The following MGAT1 variants were observed in gnomAD, a reference collection of about 807,000 sequenced individuals.
MGAT1 encodes the protein alpha-1,3-mannosyl-glycoprotein 2-beta-N-acetylglucosaminyltransferase, also known as N-glycosyl-oligosaccharide-glycoprotein N-acetylglucosaminyltransferase I.
A neutral mutation model predicts 31.7 loss-of-function variants in MGAT1; 14 were observed. That is an observed-to-expected ratio of 0.44 (90% CI 0.29 to 0.69). The LOEUF (loss-of-function observed/expected upper bound fraction) is 0.69. Among genes scored for constraint, MGAT1 ranks in the 30% least tolerant of loss-of-function variants. The pLI is 0.12. For synonymous variants in MGAT1, 338 were observed against 276.0 expected, an observed-to-expected ratio of 1.22 and a Z score of -2.23; for missense variants, 557 against 626.0, an observed-to-expected ratio of 0.89 and a Z score of 1.18.
chr5:180,810,605 CCT>C (rs1772472677), intron 1 of MGAT1: 1 of 152,336 alleles, frequency 6.6e-6, no homozygotes, highest in African/African-American at 2.4e-5. Context: ...GCAGCCCTGC[CCT>C]CTCCCTCCGC....
chr5:180,805,194 G>A (rs1439474523), upstream of MGAT1, among the ~76,000 whole-genome samples: 12 of 150,550 alleles, frequency 8.0e-5, no homozygotes, highest in Admixed American at 4.6e-4. Flanking sequence ...TGTGCAAAAG[G>A]AAAAAACAGG....
upstream of MGAT1, chr5:180,802,940 C>G (rs1455513307): frequency 6.0e-5 from 9 of 150,424 alleles, no homozygotes; most frequent in African/African-American, 1.9e-4. Context: ...GCCAGGCCCC[C>G]TCCTCCTGGC....
In MGAT1 at chr5:180,790,069, AG is replaced by A; in HGVS notation, c.*1564del. ...CACTGGGGTTGCGTTTGGGAGTCCA[AG>A]CGCCACTGTGAGGCCAACCCTGGTA... On this transcript the variant is annotated 3_prime_UTR_variant, in exon 2 of 2. Transcript: ENST00000307826. 6.6e-6 allele frequency: 1 copy of A among 152,344 alleles called. No individual in the cohort carries two copies. Among genetic ancestry groups the A allele is most frequent in the African/African-American group, 2.4e-5 (1 of 41,560 alleles). 9.4% of individuals were successfully genotyped at this position (152,344 alleles called of 1,614,324 possible). A position where few individuals can be genotyped will look rare whatever the true frequency, so the allele number is the denominator to read the frequency against.
chr5:180,794,400 A>C (rs929837312), intron 1 of MGAT1, among the ~76,000 whole-genome samples: 1 of 122,474 alleles, frequency 8.2e-6, no homozygotes, highest in South Asian at 2.8e-4. Context: ...TCTCAAAAAA[A>C]TTTTTTTTTA....
chr5:180,809,593 C>G (rs1340092789), intron 1 of MGAT1: 1 of 152,036 alleles, frequency 6.6e-6, no homozygotes, highest in East Asian at 1.9e-4. Context: ...ACTAAGCTCC[C>G]CCTCTGCTTG....
Position 180,792,435 on chromosome 5 carries a change from G to A in MGAT1, c.537C>T (p.Phe179=). 1 of 1,612,196 alleles carries A rather than the reference G, an allele frequency of 6.2e-7. No individual in the cohort carries two copies. The highest frequency in any genetic ancestry group is 8.5e-7 in the Non-Finnish European group (1 of 1,179,212). Residue 179 remains phenylalanine (F), a synonymous_variant, in exon 2 of 2, where the codon TTC becomes TTT. Transcript: ENST00000307826. ...SIAVPPDHRK[F]QGYYKIARHY... is the part of the protein sequence containing the mutation. ...GGCGCGCGATCTTGTAGTAGCCCTG[G>A]AACTTGCGGTGGTCCGGCGGCACCG...
intron 1 of MGAT1, among the ~76,000 whole-genome samples, chr5:180,796,469 T>A (rs1490023065): frequency 1.3e-5 from 2 of 152,218 alleles, no homozygotes; most frequent in African/African-American, 4.8e-5. Context: ...GCAAACGTCG[T>A]TTCAGTTGGC....
chr5:180,791,598 T>C lies in MGAT1; in HGVS notation c.*36A>G. On this transcript the variant is annotated 3_prime_UTR_variant, in exon 2 of 2. Coordinates refer to ENST00000307826, the MANE Select transcript of MGAT1 (RefSeq NM_002406.4). ...ACTGTGGTCCCACCTCAGCTCATGA[T>C]GTGGCAAGGAGGGGCCCAGGAAGGA... 1 of 1,599,926 alleles carries C rather than the reference T, an allele frequency of 6.3e-7. No individual in the cohort carries two copies. The highest frequency in any genetic ancestry group is 1.3e-5 in the African/African-American group (1 of 74,762).
In MGAT1 at chr5:180,786,153, G is replaced by GC. The variant is rs1421227239; in HGVS notation, c.*5480dup. On this transcript the variant is annotated 3_prime_UTR_variant, in exon 2 of 2. Coordinates refer to ENST00000307826, the MANE Select transcript of MGAT1 (RefSeq NM_002406.4). ...AAAAGTGAAGACAAAAAAGAAAACT[G>GC]CATCACTGGCATGTGCCCTTGTCAG... The GC allele has an allele frequency of 2.6e-5, 4 of 152,310 alleles. No individual in the cohort carries two copies. Among genetic ancestry groups the GC allele is most frequent in the African/African-American group, 9.6e-5 (4 of 41,476 alleles). The allele number at this position is 152,310 out of a possible 1,614,324, so 9.4% of individuals were successfully genotyped here.
In MGAT1 at chr5:180,788,474, G is replaced by A. The variant is rs1472615100; in HGVS notation, c.*3160C>T. 6.6e-6 allele frequency: 1 copy of A among 152,386 alleles called. No homozygotes were observed. Among genetic ancestry groups the A allele is most frequent in the Non-Finnish European group, 1.5e-5 (1 of 68,174 alleles). The allele number at this position is 152,386 out of a possible 1,614,324, so 9.4% of individuals were successfully genotyped here. A position where few individuals can be genotyped will look rare whatever the true frequency, so the allele number is the denominator to read the frequency against. ...AGGCCGTAAAGGCTGGAATGGAACA[G>A]TCCAGCCTCACACAGTGGCTAACAG... On this transcript the variant is annotated 3_prime_UTR_variant, in exon 2 of 2. Coordinates refer to ENST00000307826, the MANE Select transcript of MGAT1 (RefSeq NM_002406.4).
intron 1 of MGAT1, among the ~76,000 whole-genome samples, chr5:180,799,261 C>T (rs1195129986): frequency 1.3e-5 from 2 of 152,180 alleles, no homozygotes; most frequent in African/African-American, 2.4e-5. Flanking sequence ...ACCACTAACC[C>T]CATGGACCCT....
rs932719792 is a variant in MGAT1 at position 180,791,080 on chromosome 5, G to A, written c.*554C>T. On this transcript the variant is annotated 3_prime_UTR_variant, in exon 2 of 2. Transcript: ENST00000307826. ...TGCAAGGAGAGAAGGGCTAAGTGGG[G>A]GTCAGACAGGAGAGAAGGGCAGGAG... The A allele has an allele frequency of 1.3e-5, 2 of 154,982 alleles. No individual in the cohort carries two copies. The highest frequency in any genetic ancestry group is 4.8e-5 in the African/African-American group (2 of 41,468). 9.6% of individuals were successfully genotyped at this position (154,982 alleles called of 1,614,324 possible). A position where few individuals can be genotyped will look rare whatever the true frequency, so the allele number is the denominator to read the frequency against.
chr5:180,792,838 C>T lies in MGAT1; in HGVS notation c.134G>A (p.Gly45Asp), dbSNP rs61743256. Residue 45 changes from glycine to aspartate, a missense_variant, in exon 2 of 2, where the codon GGC (glycine) becomes GAC (aspartate). Gly to Asp is a moderately conservative substitution (Grantham distance 94). Coordinates refer to ENST00000307826, the MANE Select transcript of MGAT1 (RefSeq NM_002406.4). ...TTCCCGGGTGAGGCTGGCGGGGTCG[C>T]CATCGAGAGCGCTGACTGAGGGTGG... is the stretch of plus-strand genomic sequence containing the variant. ...GRPPSVSALD[G>D]DPASLTREVI... 2.6e-3 allele frequency: 4,017 copies of T among 1,562,336 alleles called. 76 individuals carry two copies. Among genetic ancestry groups the T allele is most frequent in the African/African-American group, 0.023 (1,734 of 73,804 alleles).
At chr5:180,794,763 T>C (rs1768988658) in intron 1 of MGAT1, among the ~76,000 whole-genome samples, 1 of 152,156 alleles carries the variant, frequency 6.6e-6, no homozygotes, top group South Asian at 2.1e-4. Flanking sequence ...CCTAACGTCC[T>C]CTGGTGAGTG....
At position 180,786,506 on chromosome 5, in the gene MGAT1, TA is replaced by T. The variant is rs1334058758; in HGVS notation, c.*5127del. 1 of 152,306 alleles carries T rather than the reference TA, an allele frequency of 6.6e-6. No homozygotes were observed. The highest frequency in any genetic ancestry group is 1.5e-5 in the Non-Finnish European group (1 of 68,088). The allele number at this position is 152,306 out of a possible 1,614,324, so 9.4% of individuals were successfully genotyped here. On this transcript the variant is annotated 3_prime_UTR_variant, in exon 2 of 2. Coordinates refer to ENST00000307826, the MANE Select transcript of MGAT1 (RefSeq NM_002406.4). The stretch of plus-strand genomic sequence containing the variant: ...TCTTAATTTGATTCAGCTTCAGAAA[TA>T]CTTTTTCCAGCCTCTTTTGCTGACA...
In MGAT1 at chr5:180,793,373, G is replaced by A. The variant is rs763199929; in HGVS notation, c.-126-276C>T. ...ATTTCATTTCCCCTCCAGGTGGGAA[G>A]GAGGAGGGGAGGGGCAAGGAGTGAC... On this transcript the variant is annotated intron_variant, in intron 1 of 1. Coordinates refer to ENST00000307826, the MANE Select transcript of MGAT1 (RefSeq NM_002406.4). 1.8e-4 allele frequency among the ~76,000 whole-genome samples: 27 copies of A among 152,178 alleles called. 1 individual carries two copies. The highest frequency in any genetic ancestry group is 5.9e-5 in the Non-Finnish European group (4 of 68,030).
At chr5:180,812,183 C>T (rs553927926) in intron 1 of MGAT1, among the ~76,000 whole-genome samples, 1 of 152,312 alleles carries the variant, frequency 6.6e-6, no homozygotes, top group African/African-American at 2.4e-5. Flanking sequence ...AGTTGGCTGG[C>T]CCATGGTAGC....
chr5:180,791,076 T>C lies in MGAT1; in HGVS notation c.*558A>G, dbSNP rs1228386662. The C allele has an allele frequency of 6.5e-6, 1 of 154,620 alleles. No individual in the cohort carries two copies. Among genetic ancestry groups the C allele is most frequent in the Non-Finnish European group, 1.4e-5 (1 of 69,946 alleles). The allele number at this position is 154,620 out of a possible 1,614,324, so 9.6% of individuals were successfully genotyped here. ...AGGCTGCAAGGAGAGAAGGGCTAAG[T>C]GGGGGTCAGACAGGAGAGAAGGGCA... On this transcript the variant is annotated 3_prime_UTR_variant, in exon 2 of 2. Coordinates refer to ENST00000307826, the MANE Select transcript of MGAT1 (RefSeq NM_002406.4).
intron 1 of MGAT1, among the ~76,000 whole-genome samples, chr5:180,801,792 C>G (rs1197656199): frequency 2.0e-5 from 3 of 152,286 alleles, no homozygotes; most frequent in Non-Finnish European, 2.9e-5. Flanking sequence ...CCTACTGCCC[C>G]GAACAGTAAT....
Sources: allele counts gnomAD v4.1 joint callset (sites outside exome capture counted in the v4.1 genomes callset), GRCh38; gene constraint gnomAD v4.1.1; transcripts MANE v1.5; gene names NCBI Gene and HGNC (gene_info 2026-07-23, HGNC 2026-07-21).